The following ARHGAP23 variants were observed in gnomAD, a reference collection of about 807,000 sequenced individuals.
The protein encoded by ARHGAP23 is Rho GTPase activating protein 23.
Under a neutral mutation model 136.3 loss-of-function variants are expected in ARHGAP23, and 34 were observed. The observed-to-expected ratio is 0.25, with a 90% confidence interval of 0.19 to 0.33. The LOEUF is 0.33. ARHGAP23 is among the 10% of genes least tolerant of loss of function. The pLI is 1.00. For synonymous variants in ARHGAP23, 832 were observed against 920.5 expected (o/e 0.90, Z 1.74); for missense variants, 1,808 against 2,139.0 (o/e 0.85, Z 3.05).
At chr17:38,504,978 CTTTTTTTTTTTTTTTTTTTTTTTT>C (rs71138627) in intron 23 of ARHGAP23, among the ~76,000 whole-genome samples, 592 of 43,134 alleles carry the variant, frequency 0.014, 10 homozygotes, top group African/African-American at 0.038. Context: ...CCCTTATCAT[CTTTTTTTTTTTTTTTTTTTTTTTT>C]TTTTTTTTTT....
chr17:38,497,352 G>C (rs73302642), intron 20 of ARHGAP23, among the ~76,000 whole-genome samples: 2 of 152,190 alleles, frequency 1.3e-5, no homozygotes, highest in African/African-American at 2.4e-5. Context: ...GGCAGGTGGC[G>C]TGGGGCACAC....
upstream of ARHGAP23, among the ~76,000 whole-genome samples, chr17:38,426,566 A>AAAAAAAAAAAAAAAAAAAAAAAAAC (rs2038573442): frequency 6.6e-6 from 1 of 150,690 alleles, no homozygotes; most frequent in Non-Finnish European, 1.5e-5. Context: ...AAAAAAAAAA[A>AAAAAAAAAAAAAAAAAAAAAAAAAC]AAAAAATCCA....
At chr17:38,480,217 C>T (rs533754416) in intron 14 of ARHGAP23, among the ~76,000 whole-genome samples, 4 of 152,278 alleles carry the variant, frequency 2.6e-5, no homozygotes, top group African/African-American at 9.6e-5. Context: ...AAGTTCTTAC[C>T]TGGCTGGGCA....
intron 1 of ARHGAP23, among the ~76,000 whole-genome samples, chr17:38,447,144 T>TA (rs1270418285): frequency 7.9e-5 from 12 of 151,976 alleles, no homozygotes; most frequent in African/African-American, 2.7e-4. Context: ...TCCTCACCAT[T>TA]AAGAAATAAT....
chr17:38,449,601 G>A (rs1326256533), intron 1 of ARHGAP23, among the ~76,000 whole-genome samples: 1 of 152,206 alleles, frequency 6.6e-6, no homozygotes, highest in Non-Finnish European at 1.5e-5. Context: ...CCAGGCGTGG[G>A]CGGGGCGGGC....
At chr17:38,501,277 G>GACCC (rs2040512872) in intron 23 of ARHGAP23, among the ~76,000 whole-genome samples, 1 of 151,532 alleles carries the variant, frequency 6.6e-6, no homozygotes, top group African/African-American at 2.4e-5. Flanking sequence ...CATCACTACA[G>GACCC]ACCCCTAAGT....
At chr17:38,443,071 G>C (rs920569353) in intron 1 of ARHGAP23, among the ~76,000 whole-genome samples, 10 of 152,244 alleles carry the variant, frequency 6.6e-5, no homozygotes, top group Non-Finnish European at 1.3e-4. Context: ...GAGTGACCTT[G>C]AGTGATGATC....
At chr17:38,459,611 G>A (rs992599459) in intron 2 of ARHGAP23, among the ~76,000 whole-genome samples, 13 of 152,192 alleles carry the variant, frequency 8.5e-5, no homozygotes, top group African/African-American at 2.9e-4. Flanking sequence ...CTGCTGAAGC[G>A]TGACAGCATA....
At chr17:38,447,687 A>G (rs1246792128) in intron 1 of ARHGAP23, among the ~76,000 whole-genome samples, 1 of 152,146 alleles carries the variant, frequency 6.6e-6, no homozygotes, top group African/African-American at 2.4e-5. Context: ...AGGAGCACAC[A>G]GTCTGATGGA....
chr17:38,492,985 G>A (rs1175740768), intron 20 of ARHGAP23, among the ~76,000 whole-genome samples: 1 of 152,212 alleles, frequency 6.6e-6, no homozygotes, highest in Non-Finnish European at 1.5e-5. Flanking sequence ...GTCAGGAACT[G>A]CAGCCTTCAG....
chr17:38,476,406 T>C (rs771085238), intron 11 of ARHGAP23, among the ~76,000 whole-genome samples: 7 of 152,092 alleles, frequency 4.6e-5, no homozygotes, highest in African/African-American at 2.4e-5. Flanking sequence ...GCTCCCAGGT[T>C]TCTGGGCAAC....
chr17:38,474,330 C>G (rs940344738), intron 11 of ARHGAP23, among the ~76,000 whole-genome samples: 1 of 152,194 alleles, frequency 6.6e-6, no homozygotes, highest in African/African-American at 2.4e-5. Flanking sequence ...GCTGGGGGCC[C>G]TGACCCAAGG....
Position 38,482,054 on chromosome 17 carries a change from G to A in ARHGAP23, c.2662G>A (p.Gly888Ser). The A allele has an allele frequency of 6.5e-7, 1 of 1,549,248 alleles. No individual in the cohort carries two copies. The highest frequency in any genetic ancestry group is 8.7e-7 in the Non-Finnish European group (1 of 1,146,086). ...DSAAAPKTPW[G>S]INIIKKNKKA... Reference sequence around the variant, plus strand: ...TGCTGCAGCCCCCAAAACCCCCTGGGGCATCAACATCATCAAGAAAAATAA... The same window carrying A: ...TGCTGCAGCCCCCAAAACCCCCTGGAGCATCAACATCATCAAGAAAAATAA... Residue 888 changes from glycine (G) to serine (S), a missense_variant, in exon 15 of 24, where the codon GGC becomes AGC. By Grantham distance (56) the Gly-to-Ser change is moderately conservative. Transcript: ENST00000622683.
At chr17:38,428,743 G>A (rs978187769) in intron 1 of ARHGAP23, among the ~76,000 whole-genome samples, 195 bp downstream of exon 1, 1 of 152,178 alleles carries the variant, frequency 6.6e-6, no homozygotes, top group Non-Finnish European at 1.5e-5. Context: ...GCTGTCCGGG[G>A]TAGAGGGGTG....
At chr17:38,442,374 G>C (rs1323966003) in intron 1 of ARHGAP23, among the ~76,000 whole-genome samples, 1 of 152,152 alleles carries the variant, frequency 6.6e-6, no homozygotes, top group African/African-American at 2.4e-5. Flanking sequence ...ACAGGGTTCT[G>C]GTTACCTCTA....
chr17:38,457,856 C>T (rs914223323), intron 1 of ARHGAP23: 1 of 577,846 alleles, frequency 1.7e-6, no homozygotes, highest in Non-Finnish European at 3.0e-6. Context: ...AGTTATTTTC[C>T]CAAGGGCAAA....
At chr17:38,494,053 G>A (rs1185575232) in intron 20 of ARHGAP23, among the ~76,000 whole-genome samples, 2 of 152,130 alleles carry the variant, frequency 1.3e-5, no homozygotes, top group African/African-American at 2.4e-5. Flanking sequence ...TAGCAGCATC[G>A]CTGGCTTCTA....
chr17:38,476,195 G>A (rs1567808979), intron 11 of ARHGAP23, among the ~76,000 whole-genome samples: 2 of 152,168 alleles, frequency 1.3e-5, no homozygotes. Flanking sequence ...TAACATGATC[G>A]CTGCAGCTGC....
At chr17:38,486,797 GT>G (rs1051202974) in intron 17 of ARHGAP23, among the ~76,000 whole-genome samples, 1 of 152,216 alleles carries the variant, frequency 6.6e-6, no homozygotes, top group Non-Finnish European at 1.5e-5. Flanking sequence ...GGTCGCACAG[GT>G]TGTAAATGGC....
Sources: allele counts gnomAD v4.1 joint callset (sites outside exome capture counted in the v4.1 genomes callset), GRCh38; gene constraint gnomAD v4.1.1; transcripts MANE v1.5; gene names NCBI Gene and HGNC (gene_info 2026-07-23, HGNC 2026-07-21).